Variants in ACBD7 observed in about 807,000 individuals in gnomAD.
The protein encoded by ACBD7 is acyl-CoA-binding domain-containing protein 7.
ACBD7 carries 11 observed loss-of-function variants against 13.7 expected under a neutral mutation model. That is an observed-to-expected ratio of 0.80 (90% CI 0.50 to 1.33). ACBD7 has a LOEUF of 1.33. ACBD7 is among the 40% of genes most tolerant of loss of function. ACBD7 has a pLI of 0.00. For synonymous variants in ACBD7, 43 were observed against 37.7 expected, an observed-to-expected ratio of 1.14 and a Z score of -0.51; for missense variants, 111 against 103.0, an observed-to-expected ratio of 1.08 and a Z score of -0.33.
intron 2 of ACBD7, 46 bp downstream of exon 2, chr10:15,078,877 A>G: frequency 1.6e-6 from 2 of 1,235,604 alleles, no homozygotes; most frequent in South Asian, 2.4e-5. Flanking sequence ...CAATTAATAT[A>G]TTAATTGTAA....
chr10:15,082,340 T>C (rs1844760260), intron 1 of ACBD7, among the ~76,000 whole-genome samples: 1 of 151,448 alleles, frequency 6.6e-6, no homozygotes, highest in Non-Finnish European at 1.5e-5. Flanking sequence ...GAAATACTTT[T>C]AGTTTATGGT....
In ACBD7 at chr10:15,075,976, CAAAAA is replaced by C. The variant is rs10541297; in HGVS notation, c.*2549_*2553del. The C allele has an allele frequency of 3.5e-3, 1,080 of 312,894 alleles. No individual in the cohort carries two copies. Among genetic ancestry groups the C allele is most frequent in the Non-Finnish European group, 4.1e-3 (978 of 240,080 alleles). 19.4% of individuals were successfully genotyped at this position (312,894 alleles called of 1,614,324 possible). On this transcript the variant is annotated 3_prime_UTR_variant, in exon 4 of 4. Coordinates refer to ENST00000356189, the MANE Select transcript of ACBD7 (RefSeq NM_001039844.3). Reference sequence around the variant, plus strand: ...GTAACAGAGTGACAGCCTGTCTCAACAAAAAAAAAAAAAAAAAAAAAGAAAAGAAA... The same window carrying C: ...GTAACAGAGTGACAGCCTGTCTCAACAAAAAAAAAAAAAAAAGAAAAGAAA...
rs191483593 is a variant in ACBD7, at chr10:15,086,668, G to T, written c.12+2049C>A. On this transcript the variant is annotated intron_variant, in intron 1 of 3. Coordinates refer to ENST00000356189, the MANE Select transcript of ACBD7 (RefSeq NM_001039844.3). ...AGGCGGGTGGATCGCTTGAGCTCAG[G>T]AGTTGGAGATCAGCCTGGGCAACAC... is the stretch of plus-strand genomic sequence containing the variant. 1.8e-3 allele frequency among the ~76,000 whole-genome samples: 280 copies of T among 151,982 alleles called. 1 individual carries two copies. The highest frequency in any genetic ancestry group is 6.6e-3 in the African/African-American group (273 of 41,440).
In ACBD7 at chr10:15,078,169, C is replaced by T. The variant is rs1261120496; in HGVS notation, c.*361G>A. The T allele has an allele frequency of 7.8e-6, 2 of 256,556 alleles. No homozygotes were observed. The highest frequency in any genetic ancestry group is 2.2e-4 in the East Asian group (2 of 9,224). 15.9% of individuals were successfully genotyped at this position (256,556 alleles called of 1,614,324 possible). On this transcript the variant is annotated 3_prime_UTR_variant, in exon 4 of 4. Transcript: ENST00000356189. ...TCCATGTGTTCTCATTGTTCAACTC[C>T]CACTTATGAGTGAGAACATGCTTGG...
rs775163357 is a variant in ACBD7 at position 15,078,742 on chromosome 10, T to C, written c.142A>G (p.Met48Val). ...TTGGCTTTGCCTTTTAAATCTAGCATTCCTGGACACGCTGGCAAAAGAAGG... is the reference window on the plus strand; with the variant it reads ...TTGGCTTTGCCTTTTAAATCTAGCACTCCTGGACACGCTGGCAAAAGAAGG... ...VGDINIACPG[M>V]LDLKGKAKWE... The change falls in exon 3 of 4, where the codon ATG becomes GTG. Residue 48 changes from methionine to valine, a missense_variant. By Grantham distance (21) the Met-to-Val change is conservative. Coordinates refer to ENST00000356189, the MANE Select transcript of ACBD7 (RefSeq NM_001039844.3). 1.2e-6 allele frequency: 2 copies of C among 1,613,972 alleles called. No homozygotes were observed. The highest frequency in any genetic ancestry group is 1.7e-6 in the Non-Finnish European group (2 of 1,179,952).
intron 1 of ACBD7, among the ~76,000 whole-genome samples, chr10:15,086,869 T>C (rs1844815324): frequency 6.6e-6 from 1 of 151,632 alleles, no homozygotes; most frequent in Non-Finnish European, 1.5e-5. Context: ...CAAAATTAAT[T>C]GGGTGTGGTG....
Position 15,078,765 on chromosome 10 carries a change from A to C in ACBD7, c.131-12T>G. ...CATTCCTGGACACGCTGGCAAAAGAAGGAGACATGCATTTGCAGGTTAACA... is the reference window on the plus strand; with the variant it reads ...CATTCCTGGACACGCTGGCAAAAGACGGAGACATGCATTTGCAGGTTAACA... On this transcript the variant is annotated splice_polypyrimidine_tract_variant and intron_variant, in intron 2 of 3. Coordinates refer to ENST00000356189, the MANE Select transcript of ACBD7 (RefSeq NM_001039844.3). 3 of 1,613,596 alleles carry C rather than the reference A, an allele frequency of 1.9e-6. No individual in the cohort carries two copies. The highest frequency in any genetic ancestry group is 2.5e-6 in the Non-Finnish European group (3 of 1,179,762).
In ACBD7 at chr10:15,076,837, A is replaced by G; in HGVS notation, c.*1693T>C. On this transcript the variant is annotated 3_prime_UTR_variant, in exon 4 of 4. Coordinates refer to ENST00000356189, the MANE Select transcript of ACBD7 (RefSeq NM_001039844.3). ...ATTCTTAATAACCTGTTTTTATTTC[A>G]CCAGTAACATTAACTTATTGTAACA... The G allele has an allele frequency of 1.0e-6, 1 of 985,372 alleles. No individual in the cohort carries two copies. The highest frequency in any genetic ancestry group is 1.2e-6 in the Non-Finnish European group (1 of 829,932). The allele number at this position is 985,372 out of a possible 1,614,324, so 61.0% of individuals were successfully genotyped here. A position where few individuals can be genotyped will look rare whatever the true frequency, so the allele number is the denominator to read the frequency against.
intron 1 of ACBD7, 55 bp downstream of exon 1, chr10:15,088,662 A>C: frequency 1.3e-6 from 2 of 1,582,054 alleles, no homozygotes; most frequent in Non-Finnish European, 1.7e-6. Context: ...AGCCCCACTT[A>C]AGCACTCCCC....
chr10:15,076,538 T>C lies in ACBD7; in HGVS notation c.*1992A>G. The C allele has an allele frequency of 1.1e-6, 1 of 876,750 alleles. No individual in the cohort carries two copies. The highest frequency in any genetic ancestry group is 1.4e-6 in the Non-Finnish European group (1 of 731,476). 54.3% of individuals were successfully genotyped at this position (876,750 alleles called of 1,614,324 possible). ...TTTTTTTTGAGACGGAGTCTTGTTTTGTCGCCCAGGCTGGAGTGCAGTGGT... is the reference window on the plus strand; with the variant it reads ...TTTTTTTTGAGACGGAGTCTTGTTTCGTCGCCCAGGCTGGAGTGCAGTGGT... On this transcript the variant is annotated 3_prime_UTR_variant, in exon 4 of 4. Transcript: ENST00000356189.
Position 15,078,954 on chromosome 10 carries a change from G to T in ACBD7, c.99C>A (p.Tyr33Ter), listed in dbSNP as rs1364290249. ...TAATGTCTCCAACTATTGCTTGTTT[G>T]TAAAGCCCATAGAGTTCTTTCAGTT... ...DGELKELYGLYKQAIVGDINI... is the reference protein window; with the variant it reads ...DGELKELYGL The change falls in exon 2 of 4, where the codon TAC becomes TAA. Residue 33 changes from tyrosine to a stop codon, truncating the protein, a stop_gained. Transcript: ENST00000356189. LOFTEE classifies it high-confidence loss of function. 6 of 1,581,812 alleles carry T rather than the reference G, an allele frequency of 3.8e-6. No individual in the cohort carries two copies. The highest frequency in any genetic ancestry group is 3.6e-5 in the South Asian group (3 of 84,388).
intron 1 of ACBD7, among the ~76,000 whole-genome samples, chr10:15,086,593 G>C (rs1027510538): frequency 2.6e-5 from 4 of 152,002 alleles, no homozygotes; most frequent in African/African-American, 9.7e-5. Context: ...AAGAATATTT[G>C]AGCCAGGCAA....
intron 1 of ACBD7, among the ~76,000 whole-genome samples, chr10:15,080,189 A>G (rs1439013887): frequency 6.6e-6 from 1 of 152,156 alleles, no homozygotes; most frequent in Non-Finnish European, 1.5e-5. Context: ...TTTCTAGAAA[A>G]GAGGAGTTGT....
intron 1 of ACBD7, among the ~76,000 whole-genome samples, chr10:15,081,063 G>A (rs12240527): frequency 0.023 from 3,445 of 152,248 alleles, 148 homozygotes; most frequent in African/African-American, 0.079. Context: ...GAGTGGCAGG[G>A]TCAAGTTTCC....
intron 1 of ACBD7, among the ~76,000 whole-genome samples, chr10:15,080,383 C>T (rs1411526751): frequency 6.6e-6 from 1 of 151,956 alleles, no homozygotes; most frequent in East Asian, 1.9e-4. Flanking sequence ...AGTTCGAGAC[C>T]AGCCCGGCCA....
At chr10:15,080,778 C>A (rs2025717) in intron 1 of ACBD7, among the ~76,000 whole-genome samples, 40,932 of 151,956 alleles carry the variant, frequency 0.27, 6,241 homozygotes, top group African/African-American at 0.41. Context: ...CCCTTTCTAA[C>A]CTCTTAGTTT....
chr10:15,082,847 G>T (rs1225953882), intron 1 of ACBD7, among the ~76,000 whole-genome samples: 1 of 152,012 alleles, frequency 6.6e-6, no homozygotes, highest in African/African-American at 2.4e-5. Flanking sequence ...GACCAGCCTG[G>T]CCAAAATGGT....
intron 1 of ACBD7, among the ~76,000 whole-genome samples, chr10:15,087,700 C>T (rs894629124): frequency 2.0e-5 from 3 of 152,078 alleles, no homozygotes; most frequent in Admixed American, 2.0e-4. Flanking sequence ...ATCACTTGAA[C>T]TTGGGAGGCG....
chr10:15,087,959 G>C (rs1057139491), intron 1 of ACBD7, among the ~76,000 whole-genome samples: 1 of 152,140 alleles, frequency 6.6e-6, no homozygotes, highest in Non-Finnish European at 1.5e-5. Flanking sequence ...AGCAGAGATC[G>C]CACCAACTGC....
Sources: allele counts gnomAD v4.1 joint callset (sites outside exome capture counted in the v4.1 genomes callset), GRCh38; gene constraint gnomAD v4.1.1; transcripts MANE v1.5; gene names NCBI Gene and HGNC (gene_info 2026-07-23, HGNC 2026-07-21).